Variants in NPHP4 observed in about 807,000 individuals in gnomAD.
The protein encoded by NPHP4 is nephrocystin 4.
NPHP4 carries 151 observed loss-of-function variants against 155.8 expected under a neutral mutation model. The observed-to-expected ratio is 0.97, with a 90% CI of 0.85 to 1.11. NPHP4 has a LOEUF of 1.11. Ranked by LOEUF, NPHP4 falls within the 50% of genes least tolerant of loss-of-function variation. The probability of loss-of-function intolerance (pLI) is 0.00; values close to 1 mark genes in which losing one functional copy is unlikely to be tolerated. For missense variants in NPHP4, 1,956 were observed against 1,925.7 expected (o/e 1.02, Z -0.29); for synonymous variants, 845 against 816.8 (o/e 1.03, Z -0.59).
intron 11 of NPHP4, among the ~76,000 whole-genome samples, chr1:5,911,646 G>A (rs181770475): frequency 2.0e-5 from 3 of 152,054 alleles, no homozygotes; most frequent in Admixed American, 6.6e-5. Context: ...TACCTACAAG[G>A]CCATTTAAAA....
Position 5,978,186 on chromosome 1 carries a change from C to T in NPHP4, c.279+84G>A, listed in dbSNP as rs964557009. ...CGCGCTGTGAGGTCTCGGCAAGGCC[C>T]CAGTCTCTGGGCTGCCACCCAGGAC... On this transcript the variant is annotated intron_variant, in intron 3 of 29. Transcript: ENST00000378156. The T allele has an allele frequency of 4.3e-5, 58 of 1,333,874 alleles. No homozygotes were observed. In the Admixed American group the frequency reaches 1.1e-3, roughly 26 times the overall value. The allele number at this position is 1,333,874 out of a possible 1,614,324, so 82.6% of individuals were successfully genotyped here. A position where few individuals can be genotyped will look rare whatever the true frequency, so the allele number is the denominator to read the frequency against.
rs758637852 is a variant in NPHP4, at chr1:5,961,777, A to C, written c.673+17T>G. The C allele has an allele frequency of 1.2e-6, 2 of 1,605,286 alleles. No individual in the cohort carries two copies. The highest frequency in any genetic ancestry group is 2.7e-5 in the African/African-American group (2 of 74,760). ...AGACTCACCTCACCAAGTGGAGAGAATCAAAGACGCCCTTACCGGATTCTC... is the reference window on the plus strand; with the variant it reads ...AGACTCACCTCACCAAGTGGAGAGACTCAAAGACGCCCTTACCGGATTCTC... On this transcript the variant is annotated intron_variant, in intron 6 of 29. Coordinates refer to ENST00000378156, the MANE Select transcript of NPHP4 (RefSeq NM_015102.5).
chr1:5,978,288 G>A lies in NPHP4; in HGVS notation c.261C>T (p.Ser87=). Residue 87 remains serine (S), a synonymous_variant, in exon 3 of 30, where the codon TCC becomes TCT. Coordinates refer to ENST00000378156, the MANE Select transcript of NPHP4 (RefSeq NM_015102.5). ...TTVKPTKRPP[S]RIVFNEPLYF... Reference sequence around the variant, plus strand: ...GGCCCACCTCATTAAAGACGATCCTGGACGGCGGTCTCTTCGTCGGCTTCA... The same window carrying A: ...GGCCCACCTCATTAAAGACGATCCTAGACGGCGGTCTCTTCGTCGGCTTCA... 4 of 1,607,684 alleles carry A rather than the reference G, an allele frequency of 2.5e-6. No homozygotes were observed. The highest frequency in any genetic ancestry group is 3.4e-6 in the Non-Finnish European group (4 of 1,177,436).
intron 20 of NPHP4, among the ~76,000 whole-genome samples, chr1:5,875,409 CAG>C (rs1476307961): frequency 1.3e-5 from 2 of 152,176 alleles, no homozygotes; most frequent in Non-Finnish European, 2.9e-5. Context: ...GGTGGAGAAT[CAG>C]AAGTTTCAAA....
intron 2 of NPHP4, among the ~76,000 whole-genome samples, chr1:5,979,203 C>T (rs1654233211): frequency 6.6e-6 from 1 of 152,240 alleles, no homozygotes; most frequent in African/African-American, 2.4e-5. Context: ...GTAAACGTTA[C>T]TTACACATCT....
chr1:5,943,846 G>A (rs1008940709), intron 9 of NPHP4, among the ~76,000 whole-genome samples: 5 of 152,186 alleles, frequency 3.3e-5, no homozygotes, highest in African/African-American at 1.2e-4. Flanking sequence ...GTCTTTTGGA[G>A]AGACATGGTG....
intron 23 of NPHP4, among the ~76,000 whole-genome samples, chr1:5,870,532 C>T (rs1288321623): frequency 6.6e-6 from 1 of 152,124 alleles, no homozygotes; most frequent in Non-Finnish European, 1.5e-5. Flanking sequence ...ACACCTAGTG[C>T]GTCAAAGTCT....
intron 11 of NPHP4, among the ~76,000 whole-genome samples, chr1:5,920,909 GCTTAAGAAGGCCTTC>G (rs1369595798): frequency 2.0e-5 from 3 of 151,984 alleles, no homozygotes; most frequent in African/African-American, 7.3e-5. Context: ...TGTCTATCTT[GCTTAAGAAGGCCTTC>G]CTAACCCAAA....
intron 9 of NPHP4, among the ~76,000 whole-genome samples, chr1:5,945,660 G>C (rs912231039): frequency 1.3e-5 from 2 of 152,192 alleles, no homozygotes; most frequent in Non-Finnish European, 2.9e-5. Flanking sequence ...TCCTTCACAG[G>C]CTGTTCCTGA....
intron 2 of NPHP4, among the ~76,000 whole-genome samples, chr1:5,984,671 G>A (rs1655200403): frequency 1.3e-5 from 2 of 152,214 alleles, no homozygotes; most frequent in African/African-American, 2.4e-5. Context: ...ACTGTATCTA[G>A]GGTGATACAC....
intron 6 of NPHP4, among the ~76,000 whole-genome samples, chr1:5,958,592 G>A (rs1649680094): frequency 1.3e-5 from 2 of 152,000 alleles, no homozygotes; most frequent in Admixed American, 1.3e-4. Flanking sequence ...CTACTCGGGA[G>A]GCTGAGGGAG....
chr1:5,975,046 C>A (rs915991678), intron 3 of NPHP4, among the ~76,000 whole-genome samples: 1 of 152,200 alleles, frequency 6.6e-6, no homozygotes, highest in Non-Finnish European at 1.5e-5. Context: ...GGGTGTTTTA[C>A]GAACCTCTAT....
rs532393567 is a variant in NPHP4 at position 5,914,210 on chromosome 1, C to T, written c.1442-4997G>A. Among the ~76,000 whole-genome samples the T allele has an allele frequency of 8.6e-5, 11 of 128,232 alleles. No homozygotes were observed. The South Asian group carries it at 2.5e-3, about 29-fold the overall frequency. 84.1% of individuals were successfully genotyped at this position (128,232 alleles called of 152,430 possible). ...CAAGGCAGGAGGACTGTTTTGAGTC[C>T]AGAAGTTCGAGATTAGCCTGGGCAA... On this transcript the variant is annotated intron_variant, in intron 11 of 29. Transcript: ENST00000378156.
intron 11 of NPHP4, among the ~76,000 whole-genome samples, chr1:5,912,266 C>T (rs561431888): frequency 1.2e-4 from 18 of 152,270 alleles, no homozygotes; most frequent in Non-Finnish European, 2.2e-4. Flanking sequence ...AGGCCGGGCA[C>T]GGTGGCTCAC....
In NPHP4 at chr1:5,867,638, C is replaced by T; in HGVS notation, c.3472+102G>A. 1 of 1,250,096 alleles carries T rather than the reference C, an allele frequency of 8.0e-7. No individual in the cohort carries two copies. The allele number at this position is 1,250,096 out of a possible 1,614,324, so 77.4% of individuals were successfully genotyped here. On this transcript the variant is annotated intron_variant, in intron 24 of 29. Coordinates refer to ENST00000378156, the MANE Select transcript of NPHP4 (RefSeq NM_015102.5). This position sits in a 1 kb window ranked among gnomAD's most constrained non-coding sequence, Gnocchi z 4.1. ...GGCCCCACGTGCTGCTCTGACAGCA[C>T]CAGGGCATGAAGCCATGAGGCCATC...
chr1:5,948,996 G>T (rs180770325), intron 7 of NPHP4, among the ~76,000 whole-genome samples: 1 of 152,152 alleles, frequency 6.6e-6, no homozygotes, highest in Non-Finnish European at 1.5e-5. Context: ...TAATCAAGCT[G>T]AACAGACCTA....
chr1:5,980,011 CA>C (rs1216412934), intron 2 of NPHP4, among the ~76,000 whole-genome samples: 1 of 152,124 alleles, frequency 6.6e-6, no homozygotes, highest in African/African-American at 2.4e-5. Context: ...CCAGGAGTCC[CA>C]CCCTCTGCCA....
intron 22 of NPHP4, among the ~76,000 whole-genome samples, chr1:5,874,027 T>C (rs1232514652): frequency 6.6e-6 from 1 of 151,650 alleles, no homozygotes; most frequent in African/African-American, 2.4e-5. Flanking sequence ...CTTGCACATA[T>C]ACCTGCTGCA....
intron 5 of NPHP4, among the ~76,000 whole-genome samples, chr1:5,964,135 T>C (rs1376646294): frequency 6.6e-6 from 1 of 152,200 alleles, no homozygotes; most frequent in Non-Finnish European, 1.5e-5. Context: ...AGACAAATTG[T>C]AAGGGAAGAA....
Sources: gnomAD v4.1 joint callset for allele counts (sites outside exome capture counted in the v4.1 genomes callset) on GRCh38, gnomAD v4.1.1 for gene constraint, Gnocchi (gnomAD v3.1) non-coding constraint, MANE v1.5 for transcripts, NCBI Gene and HGNC (gene_info 2026-07-23, HGNC 2026-07-21) for gene names.